The following LRP1B variants were observed in gnomAD, a reference collection of about 807,000 sequenced individuals.
The protein encoded by LRP1B is low-density lipoprotein receptor-related protein 1B.
Under a neutral mutation model 556.6 loss-of-function variants are expected in LRP1B, and 217 were observed. The ratio of observed to expected loss-of-function variants is 0.39; its 90% CI spans 0.35 to 0.44. LRP1B has a LOEUF of 0.44. Among genes scored for constraint, LRP1B ranks in the 20% least tolerant of loss-of-function variants. The pLI is 1.00. For missense variants in LRP1B, 5,053 were observed against 5,620.8 expected (o/e 0.90, Z 3.23); for synonymous variants, 2,047 against 1,865.8 (o/e 1.10, Z -2.50).
intron 3 of LRP1B, among the ~76,000 whole-genome samples, chr2:141,295,951 G>A (rs551016406): frequency 1.2e-4 from 18 of 152,088 alleles, no homozygotes; most frequent in South Asian, 2.1e-4. Context: ...GTTAATTTCC[G>A]CTTAGGCAAA....
chr2:141,048,891 G>A (rs1382095118), intron 11 of LRP1B, 95 bp downstream of exon 11: 2 of 927,844 alleles, frequency 2.2e-6, no homozygotes, highest in Non-Finnish European at 3.5e-6. Flanking sequence ...AAGAACTTGA[G>A]TTCTGGTTAA....
intron 15 of LRP1B, among the ~76,000 whole-genome samples, chr2:141,002,278 T>C (rs898763420): frequency 6.6e-6 from 1 of 152,084 alleles, no homozygotes; most frequent in Non-Finnish European, 1.5e-5. Flanking sequence ...TTCTGAAGTA[T>C]GTAATTACAG....
intron 1 of LRP1B, among the ~76,000 whole-genome samples, chr2:141,924,605 C>T (rs1700285904): frequency 6.6e-6 from 1 of 152,188 alleles, no homozygotes; most frequent in Non-Finnish European, 1.5e-5. Flanking sequence ...TACCATGAGG[C>T]TGGAGCTCAA....
intron 1 of LRP1B, among the ~76,000 whole-genome samples, chr2:141,962,050 T>C (rs1558989214): frequency 6.6e-6 from 1 of 151,786 alleles, no homozygotes; most frequent in Non-Finnish European, 1.5e-5. Flanking sequence ...GTAACTTCCT[T>C]AGAAGCAGGT....
At chr2:141,580,495 G>A (rs1298364347) in intron 2 of LRP1B, among the ~76,000 whole-genome samples, 1 of 152,184 alleles carries the variant, frequency 6.6e-6, no homozygotes, top group Non-Finnish European at 1.5e-5. Context: ...AAATATCAGT[G>A]TTTTGAAATT....
At position 140,457,620 on chromosome 2, in the gene LRP1B, T is replaced by C. The variant is rs1411629466; in HGVS notation, c.9657A>G (p.Ala3219=). 1.9e-6 allele frequency: 3 copies of C among 1,613,582 alleles called. No individual in the cohort carries two copies. Among genetic ancestry groups the C allele is most frequent in the African/African-American group, 1.3e-5 (1 of 74,904 alleles). ...AGATGTAGTCTTCAAACAATGTTAG[T>C]GCAATCACCCCTGGAATATCTTGAT... The part of the protein sequence containing the change: ...VPNQDIPGVI[A]LTLFEDYIYW... The change falls in exon 61 of 91, where the codon GCA becomes GCG. Residue 3219 remains alanine, a synonymous_variant. Coordinates refer to ENST00000389484, the MANE Select transcript of LRP1B (RefSeq NM_018557.3).
At chr2:141,185,673 G>GA (rs1365290510) in intron 7 of LRP1B, among the ~76,000 whole-genome samples, 52 of 23,606 alleles carry the variant, frequency 2.2e-3, no homozygotes, top group East Asian at 6.8e-3. Flanking sequence ...ATGGAGAACT[G>GA]AAAAACAAAC....
At chr2:140,399,795 A>C (rs185482612) in intron 66 of LRP1B, among the ~76,000 whole-genome samples, 1 of 152,366 alleles carries the variant, frequency 6.6e-6, no homozygotes, top group Non-Finnish European at 1.5e-5. Flanking sequence ...CCATTGTGAT[A>C]GATGATAATG....
chr2:140,260,352 G>C (rs558355806), intron 86 of LRP1B, among the ~76,000 whole-genome samples: 1 of 151,826 alleles, frequency 6.6e-6, no homozygotes, highest in East Asian at 1.9e-4. Context: ...TTTTAAAAGA[G>C]AATAGTATTT....
intron 15 of LRP1B, among the ~76,000 whole-genome samples, chr2:141,004,767 G>A (rs1428583219): frequency 2.6e-5 from 4 of 151,948 alleles, no homozygotes; most frequent in African/African-American, 9.7e-5. Context: ...CACCACATGG[G>A]GTAGAAGGAA....
chr2:141,498,858 A>G (rs1300087551), intron 2 of LRP1B, among the ~76,000 whole-genome samples: 2 of 152,080 alleles, frequency 1.3e-5, no homozygotes, highest in Non-Finnish European at 2.9e-5. Context: ...TCTGTTGTGA[A>G]TATCTCTAAA....
chr2:141,101,649 T>C (rs1255896129), intron 7 of LRP1B, among the ~76,000 whole-genome samples: 2 of 152,158 alleles, frequency 1.3e-5, no homozygotes, highest in African/African-American at 4.8e-5. Context: ...ACAGATATGT[T>C]GGTAAGTAAA....
At chr2:141,849,945 T>C (rs182388006) in intron 1 of LRP1B, among the ~76,000 whole-genome samples, 6 of 151,694 alleles carry the variant, frequency 4.0e-5, no homozygotes, top group African/African-American at 1.4e-4. Flanking sequence ...TGGCATAAGT[T>C]AATGTTTCAC....
chr2:141,576,323 C>G (rs1022732150), intron 2 of LRP1B, among the ~76,000 whole-genome samples: 5 of 152,138 alleles, frequency 3.3e-5, no homozygotes, highest in Non-Finnish European at 7.3e-5. Context: ...CAAACTAACA[C>G]ATAAGTAACA....
At chr2:140,678,770 C>CA (rs1685759246) in intron 41 of LRP1B, among the ~76,000 whole-genome samples, 1 of 136,202 alleles carries the variant, frequency 7.3e-6, no homozygotes, top group Non-Finnish European at 1.6e-5. Flanking sequence ...TTCAATCTCC[C>CA]TTTTTTTTTT....
chr2:140,979,900 A>G (rs543831238), intron 18 of LRP1B, among the ~76,000 whole-genome samples: 4 of 152,222 alleles, frequency 2.6e-5, no homozygotes, highest in African/African-American at 9.6e-5. Flanking sequence ...AATGTTCTTC[A>G]TAGATTTGTT....
chr2:140,547,906 T>A (rs1680404373), intron 43 of LRP1B, among the ~76,000 whole-genome samples: 1 of 151,096 alleles, frequency 6.6e-6, no homozygotes, highest in Non-Finnish European at 1.5e-5. Flanking sequence ...TTATTTGGCC[T>A]CAGTATTAAT....
At chr2:141,429,299 T>C (rs1444107470) in intron 3 of LRP1B, among the ~76,000 whole-genome samples, 1 of 152,146 alleles carries the variant, frequency 6.6e-6, no homozygotes, top group African/African-American at 2.4e-5. Context: ...CTTTTTAATA[T>C]ACACATAGTA....
rs565801624 is a variant in LRP1B at position 140,907,871 on chromosome 2, C to A, written c.3520+6G>T. The A allele has an allele frequency of 6.2e-7, 1 of 1,612,696 alleles. No individual in the cohort carries two copies. Among genetic ancestry groups the A allele is most frequent in the African/African-American group, 1.3e-5 (1 of 74,952 alleles). On this transcript the variant is annotated splice_donor_region_variant and intron_variant, in intron 22 of 90. Transcript: ENST00000389484. ...GGAGAAGTCAGTACAATTAAACATG[C>A]AATACCACAGAGATAGCCTTCATCA... is the stretch of plus-strand genomic sequence containing the variant.
Sources: allele counts gnomAD v4.1 joint callset (sites outside exome capture counted in the v4.1 genomes callset), GRCh38; gene constraint gnomAD v4.1.1; transcripts MANE v1.5; gene names NCBI Gene and HGNC (gene_info 2026-07-23, HGNC 2026-07-21).